SCUBE1: variants seen among roughly 807,000 people sequenced by gnomAD.
The protein encoded by SCUBE1 is signal peptide, CUB domain and EGF like domain containing 1, also known as signal peptide, CUB and EGF-like domain-containing protein 1.
SCUBE1 carries 59 observed loss-of-function variants against 124.4 expected under a neutral mutation model. The observed-to-expected ratio is 0.47, with a 90% CI of 0.38 to 0.59. The LOEUF is 0.59. Among genes scored for constraint, SCUBE1 ranks in the 20% least tolerant of loss-of-function variants. The pLI is 0.00. For missense variants in SCUBE1, 1,150 were observed against 1,371.2 expected, an observed-to-expected ratio of 0.84 and a Z score of 2.55; for synonymous variants, 545 against 550.9, an observed-to-expected ratio of 0.99 and a Z score of 0.15.
At position 43,223,124 on chromosome 22, in the gene SCUBE1, A is replaced by G; in HGVS notation, c.1300T>C (p.Cys434Arg). 1 of 1,554,290 alleles carries G rather than the reference A, an allele frequency of 6.4e-7. No homozygotes were observed. The highest frequency in any genetic ancestry group is 8.6e-7 in the Non-Finnish European group (1 of 1,157,948). Residue 434 changes from cysteine (C) to arginine (R), a missense_variant, in exon 11 of 22, where the codon TGC becomes CGC. Transcript: ENST00000360835. ...AGGVESCFLS[C>R]PAHTLFVPDS... is the part of the protein sequence containing the mutation. ...GGCACGAAGAGTGTGTGAGCCGGGC[A>G]GGAAAGGAAGCAGCTCTCCACACCG...
chr22:43,296,401 G>C (rs895440727), intron 3 of SCUBE1, among the ~76,000 whole-genome samples: 1 of 152,194 alleles, frequency 6.6e-6, no homozygotes, highest in South Asian at 2.1e-4. Context: ...GGAGTGTCCC[G>C]CCTCTGAATC....
At chr22:43,328,020 G>A (rs1926783528) in intron 2 of SCUBE1, among the ~76,000 whole-genome samples, 1 of 152,156 alleles carries the variant, frequency 6.6e-6, no homozygotes, top group African/African-American at 2.4e-5. Flanking sequence ...CTGGGTGAAG[G>A]GAAACCACAA....
At position 43,198,986 on chromosome 22, in the gene SCUBE1, GTGTC is replaced by G. The variant is rs1285245771; in HGVS notation, c.*5007_*5010del. On this transcript the variant is annotated 3_prime_UTR_variant, in exon 22 of 22. Coordinates refer to ENST00000360835, the MANE Select transcript of SCUBE1 (RefSeq NM_173050.5). The stretch of plus-strand genomic sequence containing the variant: ...TTTTCTGTCTGCTGTCCGGGGCAAC[GTGTC>G]TGTCTGTCTGCTGTCCGGGGCAGTG... 53 of 357,952 alleles carry G rather than the reference GTGTC, an allele frequency of 1.5e-4. No homozygotes were observed. Among genetic ancestry groups the G allele is most frequent in the South Asian group, 4.8e-4 (23 of 47,898 alleles). 22.2% of individuals were successfully genotyped at this position (357,952 alleles called of 1,614,324 possible).
At chr22:43,319,558 CAA>C (rs35230785) in intron 3 of SCUBE1, among the ~76,000 whole-genome samples, 5 of 55,196 alleles carry the variant, frequency 9.1e-5, no homozygotes, top group African/African-American at 1.7e-4. Context: ...GACTCCATCT[CAA>C]AAAAAAAAAA....
At chr22:43,217,840 G>A (rs2089107192) in intron 15 of SCUBE1, among the ~76,000 whole-genome samples, 1 of 152,122 alleles carries the variant, frequency 6.6e-6, no homozygotes. Flanking sequence ...TAGGCCTCAC[G>A]ACATCCCTGC....
intron 7 of SCUBE1, chr22:43,238,436 G>A: frequency 4.0e-6 from 2 of 500,232 alleles, no homozygotes; most frequent in South Asian, 5.3e-5. Context: ...AAGACCCACT[G>A]CAACCAAAGG....
intron 11 of SCUBE1, 41 bp downstream of exon 11, chr22:43,223,056 C>G (rs2071726): frequency 0.29 from 440,520 of 1,495,778 alleles, 66,375 homozygotes; most frequent in East Asian, 0.39. Context: ...GAGGAAGACC[C>G]CCCTGCCACA....
At chr22:43,332,798 C>T (rs534258621) in intron 2 of SCUBE1, among the ~76,000 whole-genome samples, 4 of 152,284 alleles carry the variant, frequency 2.6e-5, no homozygotes, top group Admixed American at 6.5e-5. Flanking sequence ...CACTGTCCAC[C>T]GACACCAGCT....
chr22:43,230,179 G>A (rs1348796488), intron 8 of SCUBE1, among the ~76,000 whole-genome samples: 4 of 152,186 alleles, frequency 2.6e-5, no homozygotes, highest in Non-Finnish European at 4.4e-5. Context: ...TGAATGTGGA[G>A]GAAGGGTGCT....
intron 3 of SCUBE1, among the ~76,000 whole-genome samples, chr22:43,302,619 C>G (rs137928230): frequency 2.6e-5 from 4 of 152,326 alleles, no homozygotes; most frequent in African/African-American, 9.6e-5. Flanking sequence ...TGCCCACAGT[C>G]CCCAGCAAGT....
Position 43,292,723 on chromosome 22 carries a change from A to G in SCUBE1, c.350-1543T>C, listed in dbSNP as rs560806968. Among the ~76,000 whole-genome samples the G allele has an allele frequency of 1.7e-4, 26 of 152,302 alleles. No homozygotes were observed. In the East Asian group the frequency reaches 4.6e-3, roughly 27 times the overall value. On this transcript the variant is annotated intron_variant, in intron 3 of 21. Coordinates refer to ENST00000360835, the MANE Select transcript of SCUBE1 (RefSeq NM_173050.5). ...GAACTGGGAGAGGACTTGGCTGTGGAGCGATTTGAGCCAGGTCCTATTTAG... is the reference window on the plus strand; with the variant it reads ...GAACTGGGAGAGGACTTGGCTGTGGGGCGATTTGAGCCAGGTCCTATTTAG...
At chr22:43,205,851 C>A (rs1320362639) in intron 21 of SCUBE1, among the ~76,000 whole-genome samples, 1 of 104,702 alleles carries the variant, frequency 9.6e-6, no homozygotes. Flanking sequence ...CACCCACTCA[C>A]CACTCACCCC....
intron 4 of SCUBE1, among the ~76,000 whole-genome samples, chr22:43,289,181 C>A (rs1369112146): frequency 6.6e-6 from 1 of 152,248 alleles, no homozygotes. Flanking sequence ...AGAGCAGTCA[C>A]TCTGTGAACT....
rs201371155 is a variant in SCUBE1, at chr22:43,291,152, A to C, written c.378T>G (p.Gly126=). ...CATTGACGCAGATCTGCTGGCAGCC[A>C]CCATTATTGTCCTGACACTCGTCCA... ...LDVDECQDNN[G]GCQQICVNAM... The change falls in exon 4 of 22, where the codon GGT becomes GGG. Residue 126 remains glycine, a synonymous_variant. Transcript: ENST00000360835. The C allele has an allele frequency of 1.0e-4, 165 of 1,612,812 alleles. No homozygotes were observed. The highest frequency in any genetic ancestry group is 1.3e-4 in the Non-Finnish European group (156 of 1,179,000).
chr22:43,317,195 G>A (rs2146781446), intron 3 of SCUBE1: 1 of 152,364 alleles, frequency 6.6e-6, no homozygotes, highest in East Asian at 1.9e-4. Flanking sequence ...AAACAAAAAA[G>A]CAAACAATCT....
At chr22:43,274,047 T>C (rs1924400522) in intron 4 of SCUBE1, among the ~76,000 whole-genome samples, 1 of 151,784 alleles carries the variant, frequency 6.6e-6, no homozygotes, top group African/African-American at 2.4e-5. Context: ...TTCCTCTCCC[T>C]TGATTCCTGA....
intron 21 of SCUBE1, among the ~76,000 whole-genome samples, chr22:43,204,600 G>A (rs1921142784): frequency 6.6e-6 from 1 of 150,738 alleles, no homozygotes; most frequent in Non-Finnish European, 1.5e-5. Context: ...CGCCTGGCCC[G>A]TAACTGGTTT....
chr22:43,218,173 T>A, intron 15 of SCUBE1, 82 bp downstream of exon 15: 1 of 1,376,038 alleles, frequency 7.3e-7, no homozygotes, highest in Admixed American at 1.7e-5. Context: ...CTGTCTCACC[T>A]GCGTGCCCAC....
chr22:43,248,277 C>G (rs1185323229), intron 6 of SCUBE1, among the ~76,000 whole-genome samples: 1 of 152,186 alleles, frequency 6.6e-6, no homozygotes, highest in African/African-American at 2.4e-5. Context: ...AGGGGTAGGG[C>G]CACCCAAGAG....
Sources: gnomAD v4.1 joint callset for allele counts (sites outside exome capture counted in the v4.1 genomes callset) on GRCh38, gnomAD v4.1.1 for gene constraint, MANE v1.5 for transcripts, NCBI Gene and HGNC (gene_info 2026-07-23, HGNC 2026-07-21) for gene names.